CTNNA1: variants seen among roughly 807,000 people sequenced by gnomAD.
CTNNA1 encodes catenin alpha-1.
Under a neutral mutation model 98.4 loss-of-function variants are expected in CTNNA1, and 37 were observed. The observed-to-expected ratio is 0.38, with a 90% CI of 0.29 to 0.49. The LOEUF (loss-of-function observed/expected upper bound fraction) is 0.49. Among genes scored for constraint, CTNNA1 ranks in the 20% least tolerant of loss-of-function variants. CTNNA1 has a pLI of 0.95. For synonymous variants in CTNNA1, 404 were observed against 413.2 expected (o/e 0.98, Z 0.27); for missense variants, 761 against 1,147.2 (o/e 0.66, Z 4.86).
chr5:138,916,661 TACAGG>T (rs1761852198), intron 10 of CTNNA1, among the ~76,000 whole-genome samples: 1 of 152,174 alleles, frequency 6.6e-6, no homozygotes, highest in Non-Finnish European at 1.5e-5. Context: ...TAGCTGGGAC[TACAGG>T]TGTGTGCCAC....
chr5:138,905,995 T>A (rs527470932), intron 10 of CTNNA1, among the ~76,000 whole-genome samples: 7 of 152,222 alleles, frequency 4.6e-5, no homozygotes, highest in Admixed American at 4.6e-4. Context: ...CAACCAATTT[T>A]AAAATATTCT....
intron 11 of CTNNA1, among the ~76,000 whole-genome samples, chr5:138,921,049 G>A (rs556434673): frequency 6.6e-6 from 1 of 152,236 alleles, no homozygotes; most frequent in Non-Finnish European, 1.5e-5. Context: ...GGAGGGGTAG[G>A]GTCTCCTCAC....
chr5:138,810,980 A>C (rs1758657656), intron 4 of CTNNA1, among the ~76,000 whole-genome samples: 1 of 137,944 alleles, frequency 7.2e-6, no homozygotes, highest in Non-Finnish European at 1.6e-5. Flanking sequence ...TGACCCCCCC[A>C]CCTCCCTCCC....
At chr5:138,909,217 A>G (rs1759998171) in intron 10 of CTNNA1, among the ~76,000 whole-genome samples, 2 of 152,138 alleles carry the variant, frequency 1.3e-5, no homozygotes, top group African/African-American at 2.4e-5. Flanking sequence ...CATTCGTATT[A>G]ACATTAAGTT....
chr5:138,758,385 G>A (rs1359133537), intron 1 of CTNNA1, among the ~76,000 whole-genome samples: 2 of 137,656 alleles, frequency 1.5e-5, no homozygotes, highest in South Asian at 4.7e-4. Flanking sequence ...TTGTTTGTTT[G>A]TTGTTGTTGT....
intron 7 of CTNNA1, among the ~76,000 whole-genome samples, chr5:138,840,512 C>G (rs1408723564): frequency 1.3e-5 from 2 of 152,158 alleles, no homozygotes. Flanking sequence ...TTCAGTTATT[C>G]TTTTTGGCCC....
intron 13 of CTNNA1, among the ~76,000 whole-genome samples, chr5:138,928,973 T>C (rs28363482): frequency 0.033 from 4,951 of 150,510 alleles, 248 homozygotes; most frequent in African/African-American, 0.11. Context: ...TACAAAGAAA[T>C]AGTGAATTGA....
At chr5:138,911,196 C>T (rs1760540137) in intron 10 of CTNNA1, among the ~76,000 whole-genome samples, 1 of 152,028 alleles carries the variant, frequency 6.6e-6, no homozygotes, top group Admixed American at 6.6e-5. Context: ...TGATTGTGCC[C>T]CTGCACTCCA....
At chr5:138,788,139 C>T (rs561202251) in intron 3 of CTNNA1, among the ~76,000 whole-genome samples, 66 of 152,204 alleles carry the variant, frequency 4.3e-4, no homozygotes, top group Non-Finnish European at 8.2e-4. Context: ...TACCTTTGTT[C>T]TTTTTTGTCT....
At chr5:138,759,308 T>G (rs944452311) in intron 1 of CTNNA1, among the ~76,000 whole-genome samples, 2 of 152,368 alleles carry the variant, frequency 1.3e-5, no homozygotes, top group South Asian at 4.1e-4. Flanking sequence ...GTTTTTATGC[T>G]GAGGATCAGC....
At chr5:138,754,390 A>C (rs1181645553) in intron 1 of CTNNA1, 1 of 152,166 alleles carries the variant, frequency 6.6e-6, no homozygotes, top group Non-Finnish European at 1.5e-5. Context: ...GCCCAGTTCC[A>C]AGGTTGACTC....
chr5:138,826,825 T>C (rs1760767124), intron 6 of CTNNA1, among the ~76,000 whole-genome samples: 1 of 152,228 alleles, frequency 6.6e-6, no homozygotes, highest in Non-Finnish European at 1.5e-5. Flanking sequence ...AGAGACAAAG[T>C]CTTGCTCTGT....
intron 1 of CTNNA1, among the ~76,000 whole-genome samples, chr5:138,769,261 G>C (rs970058704): frequency 2.0e-5 from 3 of 151,940 alleles, no homozygotes; most frequent in African/African-American, 7.3e-5. Flanking sequence ...CTTTTTGCCT[G>C]GCTTTCCAAC....
chr5:138,834,351 A>AAATTGAAGTTTGCTG (rs1761567384), intron 7 of CTNNA1, among the ~76,000 whole-genome samples: 1 of 152,184 alleles, frequency 6.6e-6, no homozygotes. Flanking sequence ...GGATCTGTGT[A>AAATTGAAGTTTGCTG]TATGTACACT....
rs760220853 is a variant in CTNNA1, at chr5:138,925,354, C to T, written c.1846C>T (p.Arg616Cys). ...TGAGAATGAGTTTATCGATGCTTCCCGCCTGGTATATGATGGCATCCGGGA... is the reference window on the plus strand; with the variant it reads ...TGAGAATGAGTTTATCGATGCTTCCTGCCTGGTATATGATGGCATCCGGGA... The part of the protein sequence containing the change: ...MDENEFIDAS[R>C]LVYDGIRDIR... Residue 616 changes from arginine to cysteine, a missense_variant, in exon 13 of 18, where the codon CGC becomes TGC. This residue lies in a region of CTNNA1 where 287 missense variants were observed against 436.0 expected (regional missense o/e 0.66). Coordinates refer to ENST00000302763, the MANE Select transcript of CTNNA1 (RefSeq NM_001903.5). The T allele has an allele frequency of 3.1e-6, 5 of 1,614,018 alleles. No homozygotes were observed. The highest frequency in any genetic ancestry group is 1.7e-5 in the Admixed American group (1 of 59,998).
chr5:138,831,458 T>C (rs145135722), intron 7 of CTNNA1, among the ~76,000 whole-genome samples: 7 of 152,226 alleles, frequency 4.6e-5, no homozygotes, highest in African/African-American at 1.4e-4. Context: ...CTTACTTCAG[T>C]GTCTCCTCAC....
Position 138,810,065 on chromosome 5 carries a change from A to G in CTNNA1, c.329A>G (p.Glu110Gly), listed in dbSNP as rs1758516450. ...QGDLMKAAAG[E>G]FADDPCSSVK... The stretch of plus-strand genomic sequence containing the variant: ...GATTTGATGAAGGCTGCTGCAGGAG[A>G]GTTCGCAGATGATCCCTGCTCTTCT... Residue 110 changes from glutamate (E) to glycine (G), a missense_variant, in exon 4 of 18, where the codon GAG becomes GGG. This residue lies in a region of CTNNA1 where 328 missense variants were observed against 354.3 expected (regional missense o/e 0.93). Transcript: ENST00000302763. The G allele has an allele frequency of 2.5e-6, 4 of 1,612,316 alleles. No individual in the cohort carries two copies. Among genetic ancestry groups the G allele is most frequent in the East Asian group, 4.5e-5 (2 of 44,854 alleles).
chr5:138,891,331 A>G (rs183366983), intron 9 of CTNNA1: 2 of 152,230 alleles, frequency 1.3e-5, no homozygotes, highest in East Asian at 3.9e-4. Flanking sequence ...CTCTCCCTCC[A>G]GAGACAGCAT....
intron 16 of CTNNA1, 103 bp downstream of exon 16, chr5:138,931,038 C>T (rs2150338382): frequency 1.4e-6 from 1 of 709,586 alleles, no homozygotes; most frequent in Admixed American, 2.2e-5. Context: ...AGCACTTTTG[C>T]CACTCATCTC....
Sources: gnomAD v4.1 joint callset for allele counts (sites outside exome capture counted in the v4.1 genomes callset) on GRCh38, gnomAD v4.1.1 for gene constraint, gnomAD v4.1.1 regional missense constraint, MANE v1.5 for transcripts, NCBI Gene and HGNC (gene_info 2026-07-23, HGNC 2026-07-21) for gene names.